CCSER1: variants seen among roughly 807,000 people sequenced by gnomAD.
The protein encoded by CCSER1 is serine-rich coiled-coil domain-containing protein 1.
CCSER1 carries 41 observed loss-of-function variants against 82.0 expected under a neutral mutation model. The observed-to-expected ratio is 0.50, with a 90% CI of 0.39 to 0.65. The LOEUF is 0.65. Among genes scored for constraint, CCSER1 ranks in the 30% least tolerant of loss-of-function variants. CCSER1 has a pLI of 0.00. For synonymous variants in CCSER1, 414 were observed against 383.9 expected, an observed-to-expected ratio of 1.08 and a Z score of -0.92; for missense variants, 1,119 against 1,064.2, an observed-to-expected ratio of 1.05 and a Z score of -0.72.
At chr4:90,422,879 A>T (rs1335596179) in intron 4 of CCSER1, among the ~76,000 whole-genome samples, 2 of 152,322 alleles carry the variant, frequency 1.3e-5, no homozygotes, top group South Asian at 2.1e-4. Flanking sequence ...CACTCTCAAC[A>T]GCCTCAAAAT....
At chr4:90,670,879 G>T (rs1348554064) in intron 6 of CCSER1, among the ~76,000 whole-genome samples, 1 of 151,978 alleles carries the variant, frequency 6.6e-6, no homozygotes, top group Non-Finnish European at 1.5e-5. Flanking sequence ...TACCAATACA[G>T]TCATACCTTA....
At chr4:91,586,113 A>G (rs968653098) in intron 10 of CCSER1, among the ~76,000 whole-genome samples, 2 of 151,536 alleles carry the variant, frequency 1.3e-5, no homozygotes, top group Non-Finnish European at 1.5e-5. Context: ...GAATGCATCA[A>G]CTACAACTTC....
At chr4:91,384,421 T>C (rs1751137812) in intron 10 of CCSER1, among the ~76,000 whole-genome samples, 1 of 5,658 alleles carries the variant, frequency 1.8e-4, no homozygotes, top group African/African-American at 1.6e-3. Context: ...AAATGCAACA[T>C]GATATTAGAT....
intron 1 of CCSER1, among the ~76,000 whole-genome samples, chr4:90,243,357 T>C (rs1720749112): frequency 6.6e-6 from 1 of 152,070 alleles, no homozygotes; most frequent in South Asian, 2.1e-4. Context: ...CAAGCAATTC[T>C]CCTGCTTCAG....
chr4:90,813,528 G>A (rs1023265353), intron 7 of CCSER1, among the ~76,000 whole-genome samples: 4 of 152,134 alleles, frequency 2.6e-5, no homozygotes, highest in Non-Finnish European at 5.9e-5. Context: ...GAGGAACCCC[G>A]GGGGAGGTAA....
intron 5 of CCSER1, among the ~76,000 whole-genome samples, chr4:90,478,902 G>A (rs534285325): frequency 2.6e-5 from 4 of 151,540 alleles, no homozygotes; most frequent in African/African-American, 4.8e-5. Context: ...CACCACACTC[G>A]GCTAATTTTT....
chr4:91,493,507 A>AT (rs1255617923), intron 10 of CCSER1, among the ~76,000 whole-genome samples: 1 of 151,730 alleles, frequency 6.6e-6, no homozygotes, highest in African/African-American at 2.4e-5. Flanking sequence ...AACCATTACT[A>AT]TTTTTCAATT....
chr4:91,593,970 A>C (rs1162638599), intron 10 of CCSER1, among the ~76,000 whole-genome samples: 7 of 152,270 alleles, frequency 4.6e-5, no homozygotes, highest in South Asian at 4.1e-4. Context: ...AGACAATTAA[A>C]AGGTAACAAT....
chr4:90,955,263 T>C (rs1733320375), intron 9 of CCSER1, among the ~76,000 whole-genome samples: 1 of 152,180 alleles, frequency 6.6e-6, no homozygotes, highest in Non-Finnish European at 1.5e-5. Flanking sequence ...CAGATGCTTG[T>C]AATGCACAAG....
intron 9 of CCSER1, among the ~76,000 whole-genome samples, chr4:90,933,425 G>T (rs1442008367): frequency 4.0e-5 from 6 of 151,634 alleles, no homozygotes; most frequent in African/African-American, 1.5e-4. Flanking sequence ...CTGACCTCAT[G>T]ATCCGCCCAC....
chr4:90,915,954 C>A (rs999949631), intron 8 of CCSER1, among the ~76,000 whole-genome samples: 4 of 152,120 alleles, frequency 2.6e-5, no homozygotes, highest in Admixed American at 2.6e-4. Flanking sequence ...ATCCAACTTA[C>A]AAGGGGTGTG....
At chr4:90,763,369 A>G (rs1219236255) in intron 7 of CCSER1, among the ~76,000 whole-genome samples, 1 of 152,012 alleles carries the variant, frequency 6.6e-6, no homozygotes, top group Non-Finnish European at 1.5e-5. Context: ...AGATTCCACT[A>G]TTTTTAGGAG....
rs565205315 is a variant in CCSER1, at chr4:90,226,876, A to G, written c.-41-81368A>G. Among the ~76,000 whole-genome samples the G allele has an allele frequency of 1.4e-3, 206 of 152,354 alleles. 1 individual carries two copies. Among genetic ancestry groups the G allele is most frequent in the Non-Finnish European group, 2.0e-3 (137 of 68,026 alleles). ...ATCATCTCCCAGCCAATGACTGAGC[A>G]TGATGGGGTACTAGGGACCTGACCA... On this transcript the variant is annotated intron_variant, in intron 1 of 10. Transcript: ENST00000509176.
intron 9 of CCSER1, among the ~76,000 whole-genome samples, chr4:91,018,094 G>GTT (rs1424895437): frequency 4.6e-5 from 7 of 151,944 alleles, no homozygotes; most frequent in African/African-American, 1.5e-4. Flanking sequence ...AAATGATTGT[G>GTT]TTTTTTTCTC....
At chr4:90,517,237 A>T (rs1772413426) in intron 5 of CCSER1, among the ~76,000 whole-genome samples, 1 of 152,192 alleles carries the variant, frequency 6.6e-6, no homozygotes, top group Non-Finnish European at 1.5e-5. Context: ...AATGTTGTAT[A>T]GGTACTTGAA....
intron 10 of CCSER1, among the ~76,000 whole-genome samples, chr4:91,327,543 C>A (rs1746658876): frequency 6.6e-6 from 1 of 152,172 alleles, no homozygotes; most frequent in Admixed American, 6.5e-5. Flanking sequence ...CCATGAAGGT[C>A]TCTGAAATGC....
intron 10 of CCSER1, among the ~76,000 whole-genome samples, chr4:91,087,325 G>A (rs1289568298): frequency 6.6e-6 from 1 of 152,034 alleles, no homozygotes; most frequent in African/African-American, 2.4e-5. Flanking sequence ...ATATCCGTAC[G>A]ATGGCATTGC....
chr4:90,982,582 A>G (rs1408045198), intron 9 of CCSER1, among the ~76,000 whole-genome samples: 6 of 151,806 alleles, frequency 4.0e-5, no homozygotes, highest in Non-Finnish European at 7.4e-5. Flanking sequence ...GGCAAAGGAA[A>G]GGCTGCTATT....
At chr4:91,104,635 C>G (rs1296198795) in intron 10 of CCSER1, among the ~76,000 whole-genome samples, 1 of 152,180 alleles carries the variant, frequency 6.6e-6, no homozygotes, top group Non-Finnish European at 1.5e-5. Flanking sequence ...GCTGCTATAA[C>G]AAATTACCAC....
Sources: allele counts gnomAD v4.1 joint callset (sites outside exome capture counted in the v4.1 genomes callset), GRCh38; gene constraint gnomAD v4.1.1; transcripts MANE v1.5; gene names NCBI Gene and HGNC (gene_info 2026-07-23, HGNC 2026-07-21).